PTPRA: variants seen among roughly 807,000 people sequenced by gnomAD.
PTPRA encodes receptor-type tyrosine-protein phosphatase alpha.
A neutral mutation model predicts 104.8 loss-of-function variants in PTPRA; 25 were observed. The ratio of observed to expected loss-of-function variants is 0.24; its 90% CI spans 0.17 to 0.33. The LOEUF (loss-of-function observed/expected upper bound fraction) is 0.33, where lower values mean the gene tolerates loss of function less well. Ranked by LOEUF, PTPRA falls within the 10% of genes least tolerant of loss-of-function variation. The pLI is 1.00. For synonymous variants in PTPRA, 323 were observed against 368.9 expected, an observed-to-expected ratio of 0.88 and a Z score of 1.43; for missense variants, 765 against 1,015.3, an observed-to-expected ratio of 0.75 and a Z score of 3.35.
In PTPRA at chr20:2,923,219, A is replaced by C; in HGVS notation, c.-116A>C. On this transcript the variant is annotated 5_prime_UTR_variant, in exon 2 of 24. Transcript: ENST00000399903. ...CCTTTTGTTGCAGGTGACACAACTA[A>C]AAAAAAACAAAGGTATTTATGGAAT... The C allele has an allele frequency of 8.0e-7, 1 of 1,251,334 alleles. No individual in the cohort carries two copies. The highest frequency in any genetic ancestry group is 1.3e-5 in the South Asian group (1 of 77,046). 77.5% of individuals were successfully genotyped at this position (1,251,334 alleles called of 1,614,324 possible).
Position 3,027,779 on chromosome 20 carries a change from A to C in PTPRA, c.1858A>C (p.Met620Leu). The C allele has an allele frequency of 6.2e-7, 1 of 1,614,172 alleles. No individual in the cohort carries two copies. ...LLHTIEDFWRMIWEWKSCSIV... is the reference protein window; with the variant it reads ...LLHTIEDFWRLIWEWKSCSIV... ...CCACACAATTGAGGACTTCTGGCGA[A>C]TGATCTGGGAGTGGAAATCCTGCTC... Residue 620 changes from methionine to leucine, a missense_variant, in exon 20 of 24, where the codon ATG becomes CTG. Around this residue, in one of 4 missense-constraint regions of PTPRA, gnomAD observed 192 missense variants for 227.0 expected, o/e 0.85. Transcript: ENST00000399903.
In PTPRA at chr20:2,950,426, C is replaced by G. The variant is rs182908754; in HGVS notation, c.-7+2402C>G. Among the ~76,000 whole-genome samples, 174 of 151,710 alleles carry G rather than the reference C, an allele frequency of 1.1e-3. 2 individuals carry two copies. The highest frequency in any genetic ancestry group is 4.0e-3 in the African/African-American group (164 of 41,356). ...GGCCGAGGCGGGCGGATCACGAGGT[C>G]AAGAGATCGAGACCATCCTGGCCAT... is the stretch of plus-strand genomic sequence containing the variant. On this transcript the variant is annotated intron_variant, in intron 3 of 23. Coordinates refer to ENST00000399903, the MANE Select transcript of PTPRA (RefSeq NM_001385305.1). The surrounding 1 kb of genome is among the most constrained non-coding windows in gnomAD (Gnocchi z 4.0).
intron 3 of PTPRA, among the ~76,000 whole-genome samples, chr20:2,948,680 G>A (rs550524458): frequency 1.1e-4 from 17 of 152,230 alleles, no homozygotes; most frequent in Admixed American, 5.2e-4. Context: ...CACCAGGCAC[G>A]GTGGCTCACG....
chr20:3,033,563 C>G (rs1309071178), intron 20 of PTPRA, among the ~76,000 whole-genome samples: 2 of 151,984 alleles, frequency 1.3e-5, no homozygotes, highest in Admixed American at 6.6e-5. Context: ...ATGGCAGCTG[C>G]TGGTCCTTTT....
chr20:2,964,447 G>A (rs1348928466), intron 4 of PTPRA, 97 bp downstream of exon 4: 15 of 1,074,080 alleles, frequency 1.4e-5, no homozygotes, highest in Non-Finnish European at 1.9e-5. Context: ...TTGAAGAAAG[G>A]AATATAAAAA....
chr20:2,899,448 G>GTT, intron 1 of PTPRA, among the ~76,000 whole-genome samples: 1 of 148,990 alleles, frequency 6.7e-6, no homozygotes, highest in African/African-American at 2.5e-5. Flanking sequence ...GGATGGGTGA[G>GTT]TTTTTTTTTT....
intron 3 of PTPRA, among the ~76,000 whole-genome samples, chr20:2,959,954 A>AAAAG (rs1369078459): frequency 1.3e-5 from 2 of 152,118 alleles, no homozygotes; most frequent in African/African-American, 4.8e-5. Flanking sequence ...CCGTCCTAAA[A>AAAAG]AAAGAAAGAA....
intron 19 of PTPRA, 129 bp downstream of exon 19, chr20:3,027,326 C>T (rs1462334509): frequency 1.1e-5 from 10 of 941,624 alleles, no homozygotes; most frequent in Middle Eastern, 5.9e-4. Flanking sequence ...TGAATTGATA[C>T]TCACCCACCC....
chr20:2,993,651 A>C (rs1045306455), intron 9 of PTPRA, among the ~76,000 whole-genome samples: 1 of 152,244 alleles, frequency 6.6e-6, no homozygotes, highest in African/African-American at 2.4e-5. Flanking sequence ...AAGTAACTGC[A>C]AATCTGCAAA....
At chr20:2,893,475 G>C (rs1474689036) in intron 1 of PTPRA, among the ~76,000 whole-genome samples, 1 of 152,156 alleles carries the variant, frequency 6.6e-6, no homozygotes, top group Non-Finnish European at 1.5e-5. Context: ...TGACAGTTTA[G>C]ATTAGAAATA....
intron 9 of PTPRA, among the ~76,000 whole-genome samples, chr20:2,989,846 TC>T (rs2063086745): frequency 6.6e-6 from 1 of 152,012 alleles, no homozygotes; most frequent in Admixed American, 6.6e-5. Context: ...TGAAACCCTG[TC>T]TCTACTAAAA....
intron 2 of PTPRA, among the ~76,000 whole-genome samples, chr20:2,924,260 A>G (rs1481908280): frequency 2.0e-5 from 3 of 151,752 alleles, no homozygotes; most frequent in African/African-American, 4.8e-5. Context: ...AAATGAGCTG[A>G]GTGTGGTGGC....
chr20:2,942,417 T>A (rs2060954411), intron 2 of PTPRA, among the ~76,000 whole-genome samples: 2 of 152,186 alleles, frequency 1.3e-5, no homozygotes, highest in South Asian at 4.1e-4. Context: ...CATTCTTTTA[T>A]TTTCAACTTT....
intron 1 of PTPRA, among the ~76,000 whole-genome samples, chr20:2,897,381 T>C (rs904305357): frequency 6.2e-5 from 9 of 146,072 alleles, no homozygotes; most frequent in Non-Finnish European, 1.0e-4. Flanking sequence ...TCACTTGGCA[T>C]TTCTTTTTTT....
intron 1 of PTPRA, among the ~76,000 whole-genome samples, chr20:2,898,209 G>A (rs2059092494): frequency 6.6e-6 from 1 of 151,972 alleles, no homozygotes; most frequent in Non-Finnish European, 1.5e-5. Flanking sequence ...CCATTCTCCT[G>A]TCTCAGCCTC....
chr20:2,931,935 T>C (rs1248453215), intron 2 of PTPRA, among the ~76,000 whole-genome samples: 1 of 152,180 alleles, frequency 6.6e-6, no homozygotes, highest in African/African-American at 2.4e-5. Context: ...GGAAGTCTGT[T>C]GAATGACTGA....
At chr20:3,010,350 C>T (rs187101696) in intron 11 of PTPRA, among the ~76,000 whole-genome samples, 3 of 151,166 alleles carry the variant, frequency 2.0e-5, no homozygotes, top group Non-Finnish European at 4.4e-5. Flanking sequence ...AGCATCCAGC[C>T]GGGTGCGGTG....
intron 6 of PTPRA, among the ~76,000 whole-genome samples, chr20:2,983,578 A>G (rs906269470): frequency 1.3e-5 from 2 of 151,980 alleles, no homozygotes; most frequent in African/African-American, 4.8e-5. Context: ...CAAAAAAAAA[A>G]AAAAAAAAAG....
At chr20:2,931,151 C>T (rs767108238) in intron 2 of PTPRA, among the ~76,000 whole-genome samples, 7 of 151,988 alleles carry the variant, frequency 4.6e-5, no homozygotes, top group Non-Finnish European at 8.8e-5. Context: ...GACTGGAGAC[C>T]CAGGACTGTT....
Sources: gnomAD v4.1 joint callset for allele counts (sites outside exome capture counted in the v4.1 genomes callset) on GRCh38, gnomAD v4.1.1 for gene constraint, gnomAD v4.1.1 regional missense constraint, Gnocchi (gnomAD v3.1) non-coding constraint, MANE v1.5 for transcripts, NCBI Gene and HGNC (gene_info 2026-07-23, HGNC 2026-07-21) for gene names.